The following ANK1 variants were observed in gnomAD, a reference collection of about 807,000 sequenced individuals.
The protein encoded by ANK1 is ankyrin 1.
ANK1 carries 51 observed loss-of-function variants against 210.4 expected under a neutral mutation model. The ratio of observed to expected loss-of-function variants is 0.24; its 90% confidence interval spans 0.19 to 0.31. The LOEUF is 0.31. ANK1 is among the 10% of genes least tolerant of loss of function. The pLI, the probability that ANK1 is intolerant of heterozygous loss-of-function variation, is 1.00. For synonymous variants in ANK1, 967 were observed against 1,025.9 expected, an observed-to-expected ratio of 0.94 and a Z score of 1.10; for missense variants, 2,051 against 2,504.4, an observed-to-expected ratio of 0.82 and a Z score of 3.86.
At chr8:41,831,650 AAAAAAG>A (rs1806657405) in intron 1 of ANK1, among the ~76,000 whole-genome samples, 1 of 128,534 alleles carries the variant, frequency 7.8e-6, no homozygotes, top group African/African-American at 3.1e-5. Context: ...AAAAAAAAAA[AAAAAAG>A]AAGAAGAAAA....
At chr8:41,852,627 A>G (rs975177579) in intron 1 of ANK1, among the ~76,000 whole-genome samples, 11 of 152,174 alleles carry the variant, frequency 7.2e-5, no homozygotes, top group African/African-American at 2.4e-4. Flanking sequence ...ACTAGGCACA[A>G]TCTCATTTCA....
intron 42 of ANK1, among the ~76,000 whole-genome samples, chr8:41,657,250 A>G (rs926005297): frequency 1.3e-5 from 2 of 152,192 alleles, no homozygotes; most frequent in Non-Finnish European, 2.9e-5. Flanking sequence ...AGTGGGTAAG[A>G]GCATGAACTC....
At chr8:41,721,276 C>G (rs942122681) in intron 9 of ANK1, among the ~76,000 whole-genome samples, 1 of 152,156 alleles carries the variant, frequency 6.6e-6, no homozygotes, top group Non-Finnish European at 1.5e-5. Flanking sequence ...GCATGATGCC[C>G]TATAAGCCAA....
At chr8:41,866,724 T>C (rs750349341) in intron 1 of ANK1, among the ~76,000 whole-genome samples, 1 of 152,244 alleles carries the variant, frequency 6.6e-6, no homozygotes, top group African/African-American at 2.4e-5. Flanking sequence ...CTTTTGTGAC[T>C]GGCTTATTTC....
rs775125344 is a variant in ANK1, at chr8:41,668,421, G to C, written c.5240C>G (p.Ser1747Cys). Residue 1747 changes from serine to cysteine, a missense_variant, in exon 39 of 43, where the codon TCT becomes TGT. By Grantham distance (112) the Ser-to-Cys change is moderately radical (BLOSUM62 -1). Coordinates refer to ENST00000289734, the MANE Select transcript of ANK1 (RefSeq NM_000037.4). ...TMTEGLEPGG[S>C]QEYEKVLVSV... is the part of the protein sequence containing the mutation. ...CACCAGGACCTTCTCGTACTCCTGAGATCCACCGGGCTCTAGCCCTTCAGT... is the reference window on the plus strand; with the variant it reads ...CACCAGGACCTTCTCGTACTCCTGACATCCACCGGGCTCTAGCCCTTCAGT... 3.1e-6 allele frequency: 5 copies of C among 1,614,232 alleles called. No individual in the cohort carries two copies. In the South Asian group the frequency reaches 5.5e-5, roughly 18 times the overall value.
intron 1 of ANK1, among the ~76,000 whole-genome samples, chr8:41,875,635 G>A (rs1044679888): frequency 6.6e-6 from 1 of 152,192 alleles, no homozygotes; most frequent in Non-Finnish European, 1.5e-5. Flanking sequence ...CCAGGGATGC[G>A]TGAGTGATGA....
intron 1 of ANK1, among the ~76,000 whole-genome samples, chr8:41,792,846 A>G (rs1259038281): frequency 6.6e-6 from 1 of 152,250 alleles, no homozygotes; most frequent in Non-Finnish European, 1.5e-5. Flanking sequence ...CTAAGCAGTC[A>G]TCAACCACGA....
chr8:41,765,528 T>C (rs569325), intron 1 of ANK1, among the ~76,000 whole-genome samples: 150,293 of 152,246 alleles, frequency 0.99, 74,200 homozygotes, highest in East Asian at 1. Flanking sequence ...ATTACAAGCA[T>C]GCGCCACTGT....
At chr8:41,804,032 C>T (rs772891749) in intron 1 of ANK1, among the ~76,000 whole-genome samples, 5 of 152,130 alleles carry the variant, frequency 3.3e-5, no homozygotes, top group African/African-American at 7.2e-5. Flanking sequence ...GATTAAAATA[C>T]GTAAATTTAG....
At chr8:41,753,214 G>A (rs1157323387) in intron 2 of ANK1, among the ~76,000 whole-genome samples, 3 of 151,994 alleles carry the variant, frequency 2.0e-5, no homozygotes, top group Non-Finnish European at 4.4e-5. Context: ...ACAGGTGCCT[G>A]CCATCATGCC....
intron 1 of ANK1, among the ~76,000 whole-genome samples, chr8:41,776,916 G>C (rs1301838750): frequency 6.6e-6 from 1 of 152,172 alleles, no homozygotes; most frequent in Admixed American, 6.5e-5. Flanking sequence ...TTACTACCAA[G>C]GAAACAAGAG....
rs183489763 is a variant in ANK1 at position 41,842,401 on chromosome 8, G to C, written c.126+53954C>G. On this transcript the variant is annotated intron_variant, in intron 1 of 42. Coordinates refer to the ANK1 transcript ENST00000265709. ...CCAGCTACTTGGGAGGCTGAGGCAG[G>C]AGAATCACTTGAACCCAGGAGGCGG... Among the ~76,000 whole-genome samples, 50 of 152,108 alleles carry C rather than the reference G, an allele frequency of 3.3e-4. 2 individuals carry two copies. The East Asian group carries it at 6.2e-3, about 19-fold the overall frequency.
chr8:41,703,420 G>GTA (rs1431513474), intron 20 of ANK1, among the ~76,000 whole-genome samples: 1,438 of 50,862 alleles, frequency 0.028, 70 homozygotes, highest in African/African-American at 0.08. Flanking sequence ...GTGTGTGTGT[G>GTA]TGTATATATA....
intron 1 of ANK1, among the ~76,000 whole-genome samples, chr8:41,849,807 C>A (rs1810869531): frequency 6.6e-6 from 1 of 152,194 alleles, no homozygotes; most frequent in South Asian, 2.1e-4. Context: ...TTTCTCTCTT[C>A]CTCTTAACTC....
chr8:41,665,370 T>A, intron 39 of ANK1: 1 of 939,700 alleles, frequency 1.1e-6, no homozygotes, highest in South Asian at 1.6e-5. Context: ...GGTGCCCATG[T>A]CCTGAGCACT....
intron 36 of ANK1, 77 bp downstream of exon 36, chr8:41,686,075 G>T (rs1205168408): frequency 3.1e-6 from 5 of 1,606,166 alleles, no homozygotes. Context: ...CCAGTGTCAT[G>T]AATGGAATTT....
chr8:41,682,618 T>C (rs919135986), intron 37 of ANK1, among the ~76,000 whole-genome samples: 6 of 152,162 alleles, frequency 3.9e-5, no homozygotes, highest in African/African-American at 9.7e-5. Flanking sequence ...CACACAGGAA[T>C]TGAGAACCAC....
At chr8:41,690,389 A>G (rs761839308) in intron 32 of ANK1, 43 bp from the exon 33 acceptor site, 3 of 1,614,164 alleles carry the variant, frequency 1.9e-6, no homozygotes, top group Non-Finnish European at 2.5e-6. Context: ...GCCCTTTTCT[A>G]GGCCACCCGG....
chr8:41,731,653 C>G (rs1020534148), intron 3 of ANK1, among the ~76,000 whole-genome samples: 3 of 152,040 alleles, frequency 2.0e-5, no homozygotes, highest in Non-Finnish European at 4.4e-5. Flanking sequence ...TCTTCCCCAG[C>G]CCACGGTTTC....
Sources: gnomAD v4.1 joint callset for allele counts (sites outside exome capture counted in the v4.1 genomes callset) on GRCh38, gnomAD v4.1.1 for gene constraint, MANE v1.5 for transcripts, NCBI Gene and HGNC (gene_info 2026-07-23, HGNC 2026-07-21) for gene names.